The following UTS2 variants were observed in gnomAD, a reference collection of about 807,000 sequenced individuals.
UTS2 encodes the protein urotensin-2.
Under a neutral mutation model 12.6 loss-of-function variants are expected in UTS2, and 10 were observed. That is an observed-to-expected ratio of 0.80 (90% confidence interval 0.49 to 1.35). UTS2 has a LOEUF of 1.35. Ranked by LOEUF, UTS2 falls within the 40% of genes most tolerant of loss-of-function variation. The pLI is 0.00. For synonymous variants in UTS2, 52 were observed against 50.0 expected (o/e 1.04, Z -0.17); for missense variants, 142 against 143.2 (o/e 0.99, Z 0.04).
the UTS2 span, among the ~76,000 whole-genome samples, chr1:7,867,180 A>G: frequency 0.18 from 28,030 of 152,080 alleles, 2,860 homozygotes; most frequent in Middle Eastern, 0.27. Context: ...CAAATTAAGC[A>G]AGTTTAAAAC....
At chr1:7,850,725 T>C in intron 2 of UTS2, 87 bp downstream of exon 2, 3 of 1,343,072 alleles carry the variant, frequency 2.2e-6, no homozygotes, top group Non-Finnish European at 3.2e-6. Context: ...TATTCCAAAA[T>C]AGAGCTTTAC....
At chr1:7,892,573 G>A in the UTS2 span, among the ~76,000 whole-genome samples, 1 of 147,112 alleles carries the variant, frequency 6.8e-6, no homozygotes, top group African/African-American at 2.5e-5. Context: ...CACCTCCAAG[G>A]TTCAGGTGAT....
chr1:7,869,977 T>C, the UTS2 span, among the ~76,000 whole-genome samples: 1 of 152,252 alleles, frequency 6.6e-6, no homozygotes. Flanking sequence ...CTCCAACAGC[T>C]GAGCTCCGTG....
chr1:7,847,921 C>T (rs1558503607), intron 3 of UTS2, 39 bp from the exon 4 acceptor site: 3 of 1,374,636 alleles, frequency 2.2e-6, no homozygotes, highest in South Asian at 2.5e-5. Context: ...CAAAAAAAAA[C>T]AGATAAGTTA....
chr1:7,897,190 G>A, the UTS2 span, among the ~76,000 whole-genome samples: 2 of 152,176 alleles, frequency 1.3e-5, no homozygotes, highest in African/African-American at 4.8e-5. Context: ...GGATATTCCT[G>A]TTTGAAAATC....
intron 1 of UTS2, among the ~76,000 whole-genome samples, chr1:7,851,843 G>A (rs758874859): frequency 2.0e-5 from 3 of 152,220 alleles, no homozygotes; most frequent in Non-Finnish European, 4.4e-5. Context: ...GAATTTGTGT[G>A]AGATGCTACA....
At chr1:7,864,779 A>G in the UTS2 span, among the ~76,000 whole-genome samples, 2 of 152,202 alleles carry the variant, frequency 1.3e-5, no homozygotes, top group Non-Finnish European at 2.9e-5. Context: ...CTCTATGCAT[A>G]TTAATAAATC....
chr1:7,885,392 G>C, the UTS2 span, among the ~76,000 whole-genome samples: 3 of 152,164 alleles, frequency 2.0e-5, no homozygotes, highest in Non-Finnish European at 4.4e-5. Context: ...GGCCCAAACG[G>C]AGGTTTCATG....
the UTS2 span, among the ~76,000 whole-genome samples, chr1:7,879,274 C>T: frequency 2.2e-4 from 33 of 152,222 alleles, no homozygotes; most frequent in African/African-American, 6.7e-4. Flanking sequence ...AAACATATCT[C>T]GACAAATTTT....
chr1:7,863,041 T>C, the UTS2 span, among the ~76,000 whole-genome samples: 1 of 29,368 alleles, frequency 3.4e-5, no homozygotes, highest in South Asian at 1.3e-3. Flanking sequence ...TTGTATTGTA[T>C]TGTATTGTAT....
chr1:7,879,210 C>T, the UTS2 span, among the ~76,000 whole-genome samples: 1 of 152,162 alleles, frequency 6.6e-6, no homozygotes, highest in Non-Finnish European at 1.5e-5. Flanking sequence ...AGAATACACA[C>T]TCATTTCATC....
chr1:7,890,827 A>G, the UTS2 span, among the ~76,000 whole-genome samples: 1 of 134,664 alleles, frequency 7.4e-6, no homozygotes, highest in African/African-American at 2.9e-5. Flanking sequence ...CTGCAATCTG[A>G]GTGACTAAGA....
chr1:7,894,300 A>G, the UTS2 span, among the ~76,000 whole-genome samples: 1 of 150,868 alleles, frequency 6.6e-6, no homozygotes, highest in East Asian at 2.0e-4. Context: ...CTCCTACCTC[A>G]TCCTCCCAAG....
the UTS2 span, among the ~76,000 whole-genome samples, chr1:7,901,988 G>A: frequency 6.6e-6 from 1 of 152,200 alleles, no homozygotes; most frequent in Admixed American, 6.5e-5. Context: ...GAGTGGGTGC[G>A]AGGGAGAGGG....
chr1:7,888,758 C>T, the UTS2 span, among the ~76,000 whole-genome samples: 2 of 152,210 alleles, frequency 1.3e-5, no homozygotes, highest in East Asian at 1.9e-4. Context: ...TTAAGGAATA[C>T]TTGAGTCAAC....
the UTS2 span, among the ~76,000 whole-genome samples, chr1:7,870,844 C>T: frequency 5.3e-5 from 8 of 152,130 alleles, no homozygotes; most frequent in African/African-American, 1.7e-4. Flanking sequence ...CACTTATAGC[C>T]AAACAAAATT....
At chr1:7,880,423 A>C in the UTS2 span, among the ~76,000 whole-genome samples, 1 of 15,700 alleles carries the variant, frequency 6.4e-5, no homozygotes, top group Non-Finnish European at 1.5e-4. Flanking sequence ...TGGGGTGGGG[A>C]GGGGGGAGGG....
the UTS2 span, among the ~76,000 whole-genome samples, chr1:7,872,453 G>A: frequency 1.3e-5 from 2 of 152,268 alleles, no homozygotes; most frequent in East Asian, 1.9e-4. Context: ...GCTCTTGAAG[G>A]AAATCCCAAG....
the UTS2 span, among the ~76,000 whole-genome samples, chr1:7,867,300 A>G: frequency 6.6e-6 from 1 of 152,232 alleles, no homozygotes; most frequent in Non-Finnish European, 1.5e-5. Context: ...CCCCTAATTT[A>G]TATGTCAAAG....
Sources: allele counts gnomAD v4.1 joint callset (sites outside exome capture counted in the v4.1 genomes callset), GRCh38; gene constraint gnomAD v4.1.1; transcripts MANE v1.5; gene names NCBI Gene and HGNC (gene_info 2026-07-23, HGNC 2026-07-21).